LRP1B: variants seen among roughly 807,000 people sequenced by gnomAD.
LRP1B encodes the protein LDL receptor related protein 1B.
In LRP1B, 217 loss-of-function variants were observed where a neutral mutation model predicts 556.6. The observed-to-expected ratio is 0.39, with a 90% confidence interval of 0.35 to 0.44. The LOEUF is 0.44. Ranked by LOEUF, LRP1B falls within the 20% of genes least tolerant of loss-of-function variation. The probability of loss-of-function intolerance (pLI) is 1.00; values close to 1 mark genes in which losing one functional copy is unlikely to be tolerated. For synonymous variants in LRP1B, 2,047 were observed against 1,865.8 expected (o/e 1.10, Z -2.50); for missense variants, 5,053 against 5,620.8 (o/e 0.90, Z 3.23).
At chr2:140,995,701 GA>G (rs1434186028) in intron 15 of LRP1B, among the ~76,000 whole-genome samples, 1 of 151,970 alleles carries the variant, frequency 6.6e-6, no homozygotes, top group Non-Finnish European at 1.5e-5. Context: ...GCAAATAGGA[GA>G]AAAACTCAGG....
intron 74 of LRP1B, among the ~76,000 whole-genome samples, chr2:140,356,929 CAA>C (rs1488680031): frequency 6.6e-6 from 1 of 151,738 alleles, no homozygotes; most frequent in African/African-American, 2.4e-5. Context: ...GTTACTCAAG[CAA>C]GTTGTCTAAA....
intron 29 of LRP1B, among the ~76,000 whole-genome samples, chr2:140,844,065 CTT>C (rs1285641935): frequency 2.0e-5 from 3 of 146,762 alleles, no homozygotes; most frequent in African/African-American, 2.5e-5. Flanking sequence ...TTAATTCTAA[CTT>C]TTTTTTTTTT....
intron 2 of LRP1B, among the ~76,000 whole-genome samples, chr2:141,601,230 CTAT>C (rs1687726552): frequency 6.6e-6 from 1 of 151,888 alleles, no homozygotes; most frequent in Non-Finnish European, 1.5e-5. Flanking sequence ...ATCTATCTAT[CTAT>C]CTATCTATCT....
At chr2:142,122,032 A>T (rs886411652) in intron 1 of LRP1B, among the ~76,000 whole-genome samples, 5 of 152,156 alleles carry the variant, frequency 3.3e-5, no homozygotes, top group African/African-American at 9.6e-5. Context: ...ACATGATACG[A>T]TGTGTTTTCA....
intron 7 of LRP1B, among the ~76,000 whole-genome samples, chr2:141,110,010 G>GT (rs1305918746): frequency 1.3e-5 from 2 of 152,156 alleles, no homozygotes; most frequent in African/African-American, 4.8e-5. Context: ...CCATACAGGA[G>GT]TCAGAGAGTG....
intron 1 of LRP1B, among the ~76,000 whole-genome samples, chr2:141,891,774 C>T (rs1392135583): frequency 1.3e-5 from 2 of 152,034 alleles, no homozygotes; most frequent in African/African-American, 2.4e-5. Context: ...TCTGCTATTC[C>T]TTCATATTAA....
At chr2:140,657,644 C>CATATATACATACAT (rs1200574576) in intron 41 of LRP1B, among the ~76,000 whole-genome samples, 1 of 145,458 alleles carries the variant, frequency 6.9e-6, no homozygotes, top group Admixed American at 6.9e-5. Flanking sequence ...TATATACATA[C>CATATATACATACAT]ATATATACAT....
chr2:140,628,792 G>C (rs1395645513), intron 41 of LRP1B, among the ~76,000 whole-genome samples: 1 of 152,058 alleles, frequency 6.6e-6, no homozygotes, highest in African/African-American at 2.4e-5. Context: ...GGAGGTGATT[G>C]GATCATGGAG....
At chr2:141,592,561 G>A (rs11681928) in intron 2 of LRP1B, among the ~76,000 whole-genome samples, 37,580 of 151,982 alleles carry the variant, frequency 0.25, 5,434 homozygotes, top group East Asian at 0.5. Context: ...CAGACATTCC[G>A]AAAATAGCCA....
intron 43 of LRP1B, among the ~76,000 whole-genome samples, chr2:140,569,039 A>G (rs1016145057): frequency 3.9e-5 from 6 of 152,044 alleles, no homozygotes; most frequent in African/African-American, 1.4e-4. Context: ...AACACTCAAA[A>G]GTATAAAGTG....
intron 1 of LRP1B, among the ~76,000 whole-genome samples, chr2:141,871,537 C>A (rs190088942): frequency 1.4e-4 from 22 of 151,950 alleles, no homozygotes; most frequent in Non-Finnish European, 2.8e-4. Context: ...AAGGAGAATA[C>A]CAACTCTTGA....
chr2:140,849,371 C>CA (rs1288492056), intron 29 of LRP1B, among the ~76,000 whole-genome samples: 2,364 of 107,672 alleles, frequency 0.022, 34 homozygotes, highest in African/African-American at 0.042. Flanking sequence ...GACTCTGTCT[C>CA]AAAAAAAAAA....
intron 1 of LRP1B, among the ~76,000 whole-genome samples, chr2:141,832,321 T>TCG (rs1491501179): frequency 2.1e-3 from 165 of 79,904 alleles, no homozygotes; most frequent in Admixed American, 7.6e-3. Flanking sequence ...CCTATCTCTT[T>TCG]CTCTCTCACA....
intron 3 of LRP1B, among the ~76,000 whole-genome samples, chr2:141,354,843 T>C (rs183575942): frequency 6.9e-4 from 105 of 152,216 alleles, no homozygotes; most frequent in African/African-American, 2.4e-3. Flanking sequence ...AAAAAACTTG[T>C]CATTTCTAAT....
chr2:140,521,481 A>G (rs780485304), intron 49 of LRP1B, among the ~76,000 whole-genome samples: 6 of 152,044 alleles, frequency 3.9e-5, no homozygotes, highest in Non-Finnish European at 7.4e-5. Flanking sequence ...TTTCCCAGAC[A>G]AGCAATTGTT....
chr2:141,056,064 G>A (rs1164299676), intron 9 of LRP1B, among the ~76,000 whole-genome samples: 1 of 151,732 alleles, frequency 6.6e-6, no homozygotes, highest in African/African-American at 2.4e-5. Context: ...GTTTGAAATG[G>A]TGATGAATAT....
intron 41 of LRP1B, among the ~76,000 whole-genome samples, chr2:140,614,700 G>C: frequency 6.6e-6 from 1 of 152,092 alleles, no homozygotes; most frequent in East Asian, 1.9e-4. Flanking sequence ...AGCATTTATT[G>C]AGTGGTGTTT....
intron 84 of LRP1B, among the ~76,000 whole-genome samples, chr2:140,292,027 C>T (rs1028927782): frequency 3.3e-5 from 5 of 152,030 alleles, no homozygotes; most frequent in South Asian, 2.1e-4. Context: ...TGGTATCTCA[C>T]TGTGGTTTTG....
intron 29 of LRP1B, among the ~76,000 whole-genome samples, chr2:140,843,107 T>G (rs1241590556): frequency 8.3e-6 from 1 of 121,016 alleles, no homozygotes; most frequent in African/African-American, 3.0e-5. Context: ...TTTGTTTTTT[T>G]TTTGGTGGTG....
Sources: gnomAD v4.1 joint callset for allele counts (sites outside exome capture counted in the v4.1 genomes callset) on GRCh38, gnomAD v4.1.1 for gene constraint, MANE v1.5 for transcripts, NCBI Gene and HGNC (gene_info 2026-07-23, HGNC 2026-07-21) for gene names.